Variants in SLC26A7 observed in about 807,000 individuals in gnomAD.
SLC26A7 encodes the protein anion exchange transporter.
In SLC26A7, 59 loss-of-function variants were observed where a neutral mutation model predicts 82.5. The ratio of observed to expected loss-of-function variants is 0.72; its 90% CI spans 0.58 to 0.89. The LOEUF is 0.89. SLC26A7 is among the 40% of genes least tolerant of loss of function. The pLI is 0.00. For missense variants in SLC26A7, 820 were observed against 793.0 expected, an observed-to-expected ratio of 1.03 and a Z score of -0.41; for synonymous variants, 271 against 274.3, an observed-to-expected ratio of 0.99 and a Z score of 0.12.
chr8:91,358,337 T>TA (rs1813936367), intron 11 of SLC26A7, among the ~76,000 whole-genome samples: 1 of 150,668 alleles, frequency 6.6e-6, no homozygotes, highest in Non-Finnish European at 1.5e-5. Flanking sequence ...TTCTTTTTTT[T>TA]TTTTTTTTTG....
intron 2 of SLC26A7, among the ~76,000 whole-genome samples, chr8:91,270,620 C>A (rs1312690829): frequency 1.3e-5 from 2 of 152,144 alleles, no homozygotes; most frequent in African/African-American, 4.8e-5. Context: ...TTGCCACCCA[C>A]CAATCTCTGG....
intron 5 of SLC26A7, among the ~76,000 whole-genome samples, chr8:91,330,650 T>A (rs1297787478): frequency 1.3e-5 from 2 of 152,116 alleles, no homozygotes; most frequent in Non-Finnish European, 2.9e-5. Flanking sequence ...GGATTCAGCA[T>A]GTTCAAGAGA....
chr8:91,257,089 T>C (rs1219911178), intron 2 of SLC26A7, among the ~76,000 whole-genome samples: 1 of 152,000 alleles, frequency 6.6e-6, no homozygotes, highest in African/African-American at 2.4e-5. Context: ...AATAAAACCC[T>C]GGATTTCCCA....
chr8:91,312,913 TG>T (rs1812530407), intron 4 of SLC26A7, among the ~76,000 whole-genome samples: 3 of 152,290 alleles, frequency 2.0e-5, no homozygotes, highest in South Asian at 4.1e-4. Context: ...ATATATGATT[TG>T]CAAATGTTTT....
chr8:91,239,630 C>G (rs1810447574), intron 2 of SLC26A7, among the ~76,000 whole-genome samples: 1 of 151,970 alleles, frequency 6.6e-6, no homozygotes, highest in Admixed American at 6.6e-5. Flanking sequence ...ATGCCTGCAG[C>G]AGGTATGGGT....
At chr8:91,286,794 T>G (rs961763597) in intron 2 of SLC26A7, among the ~76,000 whole-genome samples, 1 of 152,184 alleles carries the variant, frequency 6.6e-6, no homozygotes, top group South Asian at 2.1e-4. Context: ...TGTGTATGTG[T>G]GTGCATATGC....
chr8:91,352,366 G>A (rs1033657932), intron 10 of SLC26A7, among the ~76,000 whole-genome samples: 1 of 151,966 alleles, frequency 6.6e-6, no homozygotes, highest in Admixed American at 6.6e-5. Context: ...AAAACACTGG[G>A]CTTATGAGAG....
intron 5 of SLC26A7, among the ~76,000 whole-genome samples, chr8:91,322,279 T>C (rs1430643440): frequency 6.6e-6 from 1 of 152,160 alleles, no homozygotes; most frequent in Non-Finnish European, 1.5e-5. Context: ...ATAAAGGTTT[T>C]CAACAGTTCA....
intron 7 of SLC26A7, among the ~76,000 whole-genome samples, chr8:91,338,588 T>A (rs1813310566): frequency 6.6e-6 from 1 of 152,180 alleles, no homozygotes; most frequent in South Asian, 2.1e-4. Flanking sequence ...ATGACTATTT[T>A]CATTTCACTT....
At chr8:91,346,675 T>C (rs1050162741) in intron 9 of SLC26A7, among the ~76,000 whole-genome samples, 4 of 152,182 alleles carry the variant, frequency 2.6e-5, no homozygotes, top group Non-Finnish European at 4.4e-5. Flanking sequence ...AATGCAAATG[T>C]GGTCATGTTA....
At position 91,395,232 on chromosome 8, in the gene SLC26A7, A is replaced by G; in HGVS notation, c.*135A>G. ...TACAATAAGTACGATGTGACTTAGT[A>G]ACTGCATAGCAGTTGGAAAGAACTG... On this transcript the variant is annotated 3_prime_UTR_variant, in exon 19 of 19. Coordinates refer to ENST00000276609, the MANE Select transcript of SLC26A7 (RefSeq NM_052832.4). 1.3e-6 allele frequency: 2 copies of G among 1,491,898 alleles called. No individual in the cohort carries two copies. Among genetic ancestry groups the G allele is most frequent in the Non-Finnish European group, 1.8e-6 (2 of 1,122,808 alleles). 92.4% of individuals were successfully genotyped at this position (1,491,898 alleles called of 1,614,324 possible). A position where few individuals can be genotyped will look rare whatever the true frequency, so the allele number is the denominator to read the frequency against.
chr8:91,210,574 C>T (rs1439610329), intron 1 of SLC26A7, among the ~76,000 whole-genome samples: 1 of 143,360 alleles, frequency 7.0e-6, no homozygotes, highest in African/African-American at 2.9e-5. Context: ...CACACACACA[C>T]ACACACACAC....
chr8:91,340,206 T>C lies in SLC26A7; in HGVS notation c.879-198T>C, dbSNP rs556055445. On this transcript the variant is annotated intron_variant, in intron 7 of 18. Transcript: ENST00000276609. ...TAAATGCATGGAGCTGTCCCTGTGG[T>C]GTTCCTTGTAATTTTGCTATTCTGC... 2.0e-5 allele frequency among the ~76,000 whole-genome samples: 3 copies of C among 152,318 alleles called. No individual in the cohort carries two copies. The South Asian group carries it at 6.2e-4, about 32-fold the overall frequency.
chr8:91,362,252 G>A (rs1428067667), intron 11 of SLC26A7, 101 bp from the exon 12 acceptor site: 1 of 726,596 alleles, frequency 1.4e-6, no homozygotes, highest in Admixed American at 2.5e-5. Flanking sequence ...GAAAGATTTG[G>A]TCACAAGAGT....
chr8:91,362,496 C>A, intron 12 of SLC26A7, 37 bp downstream of exon 12: 1 of 1,521,416 alleles, frequency 6.6e-7, no homozygotes, highest in Non-Finnish European at 9.1e-7. Context: ...TATTTTTGCA[C>A]AGCAGCAAAA....
intron 2 of SLC26A7, among the ~76,000 whole-genome samples, chr8:91,239,263 T>C (rs1278902303): frequency 6.6e-6 from 1 of 151,220 alleles, no homozygotes; most frequent in African/African-American, 2.4e-5. Flanking sequence ...CCAGCTACTT[T>C]TGAGGCTGAG....
rs1422937331 is a variant in SLC26A7, at chr8:91,340,685, A to T, written c.1026+134A>T. 2.9e-6 allele frequency: 3 copies of T among 1,037,040 alleles called. No homozygotes were observed. In the Admixed American group the frequency reaches 7.6e-5, roughly 26 times the overall value. The allele number at this position is 1,037,040 out of a possible 1,614,324, so 64.2% of individuals were successfully genotyped here. On this transcript the variant is annotated intron_variant, in intron 8 of 18. Transcript: ENST00000276609. ...AGCAAGAGTGGGTTGAACAAAAAAA[A>T]AGAAAAATATCAAAATCATTCATAG...
chr8:91,285,185 A>G (rs985148274), intron 2 of SLC26A7, among the ~76,000 whole-genome samples: 1 of 152,258 alleles, frequency 6.6e-6, no homozygotes, highest in Non-Finnish European at 1.5e-5. Context: ...CAATCTTCAC[A>G]TGATGTTCAC....
At chr8:91,301,060 A>G (rs1812152429) in intron 4 of SLC26A7, among the ~76,000 whole-genome samples, 1 of 152,184 alleles carries the variant, frequency 6.6e-6, no homozygotes, top group African/African-American at 2.4e-5. Flanking sequence ...CTAATATTGA[A>G]CCAACTTTAA....
Sources: gnomAD v4.1 joint callset for allele counts (sites outside exome capture counted in the v4.1 genomes callset) on GRCh38, gnomAD v4.1.1 for gene constraint, MANE v1.5 for transcripts, NCBI Gene and HGNC (gene_info 2026-07-23, HGNC 2026-07-21) for gene names.